The following LYPD6 variants were observed in gnomAD, a reference collection of about 807,000 sequenced individuals.
LYPD6 encodes the protein ly6/PLAUR domain-containing protein 6.
LYPD6 carries 15 observed loss-of-function variants against 22.7 expected under a neutral mutation model. The ratio of observed to expected loss-of-function variants is 0.66; its 90% CI spans 0.44 to 1.02. The LOEUF (loss-of-function observed/expected upper bound fraction) is 1.02, where lower values mean the gene tolerates loss of function less well. Among genes scored for constraint, LYPD6 ranks in the 50% least tolerant of loss-of-function variants. LYPD6 has a pLI of 0.00. For synonymous variants in LYPD6, 72 were observed against 77.5 expected (o/e 0.93, Z 0.37); for missense variants, 189 against 208.4 (o/e 0.91, Z 0.57).
chr2:149,336,221 A>G (rs1681032478), intron 1 of LYPD6, among the ~76,000 whole-genome samples: 1 of 152,194 alleles, frequency 6.6e-6, no homozygotes, highest in Non-Finnish European at 1.5e-5. Flanking sequence ...GGATGGTCTA[A>G]TTTAACACTT....
intron 1 of LYPD6, among the ~76,000 whole-genome samples, chr2:149,393,668 T>G (rs373908011): frequency 1.2e-4 from 19 of 152,212 alleles, no homozygotes; most frequent in Non-Finnish European, 2.5e-4. Flanking sequence ...GCTACCTTTT[T>G]GGACTGCATT....
intron 3 of LYPD6, among the ~76,000 whole-genome samples, chr2:149,451,379 A>T (rs539667221): frequency 6.6e-6 from 1 of 152,214 alleles, no homozygotes; most frequent in African/African-American, 2.4e-5. Context: ...TTGGTGATTA[A>T]GTTGCATATG....
chr2:149,343,392 A>T (rs770147661), intron 1 of LYPD6, among the ~76,000 whole-genome samples: 4 of 152,224 alleles, frequency 2.6e-5, no homozygotes, highest in Non-Finnish European at 5.9e-5. Context: ...CCTAAAATGA[A>T]CAAATTTGAG....
intron 1 of LYPD6, among the ~76,000 whole-genome samples, chr2:149,383,980 A>G (rs1163550384): frequency 6.6e-6 from 1 of 152,204 alleles, no homozygotes; most frequent in Non-Finnish European, 1.5e-5. Flanking sequence ...TAAGAAATAC[A>G]TATTATAGCA....
intron 1 of LYPD6, among the ~76,000 whole-genome samples, chr2:149,426,206 C>T (rs989183843): frequency 6.6e-6 from 1 of 152,192 alleles, no homozygotes; most frequent in Non-Finnish European, 1.5e-5. Flanking sequence ...TGGAAGAACT[C>T]TCCACACCTA....
chr2:149,360,384 C>T (rs994552087), intron 1 of LYPD6, among the ~76,000 whole-genome samples: 3 of 152,204 alleles, frequency 2.0e-5, no homozygotes, highest in Non-Finnish European at 4.4e-5. Context: ...TTATTTTTCC[C>T]AGCCCCTATT....
rs373729728 is a variant in LYPD6, at chr2:149,372,955, C to G, written c.-72+42233C>G. The stretch of plus-strand genomic sequence containing the variant: ...TTCATTACAGGTCCTCAGTGTAAAC[C>G]TTTCTGGAGTTTTAAGATCCTTTAG... On this transcript the variant is annotated intron_variant, in intron 1 of 4. Coordinates refer to ENST00000334166, the MANE Select transcript of LYPD6 (RefSeq NM_194317.5). Among the ~76,000 whole-genome samples the G allele has an allele frequency of 4.6e-5, 7 of 152,152 alleles. No individual in the cohort carries two copies. The East Asian group carries it at 7.7e-4, about 17-fold the overall frequency.
At chr2:149,362,400 G>A (rs1681589022) in intron 1 of LYPD6, among the ~76,000 whole-genome samples, 1 of 152,112 alleles carries the variant, frequency 6.6e-6, no homozygotes, top group Non-Finnish European at 1.5e-5. Flanking sequence ...TTTAGGCTAG[G>A]TTTGATAACG....
intron 1 of LYPD6, among the ~76,000 whole-genome samples, chr2:149,436,032 A>G (rs954649456): frequency 1.3e-5 from 2 of 152,194 alleles, no homozygotes; most frequent in Non-Finnish European, 1.5e-5. Context: ...CTTGCACCCT[A>G]TAAACAATTG....
intron 3 of LYPD6, among the ~76,000 whole-genome samples, chr2:149,450,686 G>A (rs986629220): frequency 3.9e-5 from 6 of 152,200 alleles, no homozygotes; most frequent in African/African-American, 1.4e-4. Context: ...CATTACCACT[G>A]TGGAATGAAC....
At chr2:149,361,284 GTC>G (rs3072462) in intron 1 of LYPD6, among the ~76,000 whole-genome samples, 124 of 152,156 alleles carry the variant, frequency 8.1e-4, no homozygotes, top group Non-Finnish European at 1.5e-3. Context: ...ATTAATACAA[GTC>G]TCTAGTGATT....
intron 1 of LYPD6, among the ~76,000 whole-genome samples, chr2:149,382,854 A>G (rs549264221): frequency 6.6e-6 from 1 of 152,254 alleles, no homozygotes; most frequent in South Asian, 2.1e-4. Flanking sequence ...ATTCTTTAAG[A>G]TAGATTAAGT....
At chr2:149,456,364 A>G (rs1295556034) in intron 3 of LYPD6, among the ~76,000 whole-genome samples, 2 of 152,192 alleles carry the variant, frequency 1.3e-5, no homozygotes, top group Non-Finnish European at 2.9e-5. Context: ...CAGCACCCTG[A>G]TTAAGAAATG....
chr2:149,426,601 A>G (rs965211950), intron 1 of LYPD6, among the ~76,000 whole-genome samples: 4 of 152,204 alleles, frequency 2.6e-5, no homozygotes, highest in African/African-American at 7.2e-5. Flanking sequence ...CCCAGAATCC[A>G]TGGGACTTGG....
intron 3 of LYPD6, among the ~76,000 whole-genome samples, chr2:149,460,188 C>T (rs1291610821): frequency 6.6e-6 from 1 of 152,050 alleles, no homozygotes; most frequent in African/African-American, 2.4e-5. Context: ...ATATCAATAA[C>T]TACCTTAAAT....
intron 3 of LYPD6, among the ~76,000 whole-genome samples, chr2:149,462,599 A>C (rs1216402888): frequency 6.6e-6 from 1 of 151,874 alleles, no homozygotes; most frequent in African/African-American, 2.4e-5. Context: ...AGAAACTGGT[A>C]TAGCTAAAAC....
At chr2:149,382,151 A>G (rs982975643) in intron 1 of LYPD6, among the ~76,000 whole-genome samples, 2 of 152,206 alleles carry the variant, frequency 1.3e-5, no homozygotes, top group Non-Finnish European at 2.9e-5. Flanking sequence ...AACCTTGTTA[A>G]TGGAAGTTTT....
chr2:149,390,235 A>G (rs534480436), intron 1 of LYPD6, among the ~76,000 whole-genome samples: 1 of 152,206 alleles, frequency 6.6e-6, no homozygotes, highest in East Asian at 1.9e-4. Context: ...CAGCCCCACC[A>G]TTTACTTTGG....
intron 2 of LYPD6, among the ~76,000 whole-genome samples, chr2:149,444,250 A>C (rs1683631964): frequency 6.6e-6 from 1 of 152,136 alleles, no homozygotes; most frequent in African/African-American, 2.4e-5. Context: ...TACGTATCTT[A>C]ATTTAAAAAG....
Sources: allele counts gnomAD v4.1 joint callset (sites outside exome capture counted in the v4.1 genomes callset), GRCh38; gene constraint gnomAD v4.1.1; transcripts MANE v1.5; gene names NCBI Gene and HGNC (gene_info 2026-07-23, HGNC 2026-07-21).